The following LPP variants were observed in gnomAD, a reference collection of about 807,000 sequenced individuals.
The protein encoded by LPP is LIM domain containing preferred translocation partner in lipoma, also known as lipoma-preferred partner.
Under a neutral mutation model 60.4 loss-of-function variants are expected in LPP, and 38 were observed. That is an observed-to-expected ratio of 0.63 (90% CI 0.49 to 0.83). The LOEUF is 0.83. LPP is among the 40% of genes least tolerant of loss of function. The pLI is 0.00. For missense variants in LPP, 902 were observed against 783.6 expected, an observed-to-expected ratio of 1.15 and a Z score of -1.80; for synonymous variants, 328 against 290.8, an observed-to-expected ratio of 1.13 and a Z score of -1.30.
intron 3 of LPP, among the ~76,000 whole-genome samples, chr3:188,391,060 G>A (rs975172291): frequency 2.1e-4 from 32 of 152,178 alleles, no homozygotes; most frequent in African/African-American, 7.7e-4. Context: ...TGAAGATTTA[G>A]GAAGTCTTGT....
chr3:188,565,672 T>C (rs890077558), intron 6 of LPP, among the ~76,000 whole-genome samples: 2 of 151,972 alleles, frequency 1.3e-5, no homozygotes, highest in African/African-American at 2.4e-5. Context: ...CTAAATATGT[T>C]TGTCTGATGT....
chr3:188,401,089 G>T (rs6778720), intron 3 of LPP, among the ~76,000 whole-genome samples: 1 of 151,962 alleles, frequency 6.6e-6, no homozygotes, highest in African/African-American at 2.4e-5. Flanking sequence ...GGTCACACTT[G>T]TATAGCTGAG....
intron 4 of LPP, among the ~76,000 whole-genome samples, chr3:188,479,726 C>T (rs548166298): frequency 4.6e-5 from 7 of 152,082 alleles, no homozygotes; most frequent in South Asian, 2.1e-4. Flanking sequence ...GTATATGAGA[C>T]GCAAAAAGGG....
intron 4 of LPP, among the ~76,000 whole-genome samples, chr3:188,484,192 T>A (rs1258107658): frequency 6.6e-6 from 1 of 152,212 alleles, no homozygotes; most frequent in Non-Finnish European, 1.5e-5. Context: ...CAGAGGTTAT[T>A]CATGCATCTT....
chr3:188,170,329 C>CTTTTTTTT (rs34760455), intron 1 of LPP, among the ~76,000 whole-genome samples: 3 of 96,438 alleles, frequency 3.1e-5, no homozygotes, highest in African/African-American at 8.3e-5. Context: ...CTTTTCTTTT[C>CTTTTTTTT]TTTTTTTTTT....
chr3:188,639,135 C>A (rs920950457), intron 7 of LPP, among the ~76,000 whole-genome samples: 5 of 152,136 alleles, frequency 3.3e-5, no homozygotes, highest in African/African-American at 1.2e-4. Flanking sequence ...GCTACGGTAA[C>A]CAAAACAGCA....
At chr3:188,230,147 G>A (rs1445876945) in intron 2 of LPP, among the ~76,000 whole-genome samples, 1 of 151,664 alleles carries the variant, frequency 6.6e-6, no homozygotes, top group Non-Finnish European at 1.5e-5. Context: ...GTGCGGTGGT[G>A]CGATCTTGGC....
intron 9 of LPP, among the ~76,000 whole-genome samples, chr3:188,865,515 AAGT>A (rs1766351356): frequency 6.6e-6 from 1 of 152,174 alleles, no homozygotes; most frequent in African/African-American, 2.4e-5. Flanking sequence ...ATTCTGTAAA[AAGT>A]AGGGGTCTTA....
At chr3:188,448,385 TTG>T (rs370924939) in intron 4 of LPP, among the ~76,000 whole-genome samples, 138 of 148,572 alleles carry the variant, frequency 9.3e-4, no homozygotes, top group Middle Eastern at 3.5e-3. Flanking sequence ...TCTATCTATA[TTG>T]AGATATCTAT....
In LPP at chr3:188,886,742, A is replaced by ACACACT. The variant is rs1770725590; in HGVS notation, c.*12268_*12269insTCACAC. The ACACACT allele has an allele frequency of 4.5e-6, 1 of 222,794 alleles. No homozygotes were observed. Among genetic ancestry groups the ACACACT allele is most frequent in the African/African-American group, 2.4e-5 (1 of 41,226 alleles). The allele number at this position is 222,794 out of a possible 1,614,324, so 13.8% of individuals were successfully genotyped here. ...AAAACACACACACACACACATACAC[A>ACACACT]CACACACACACACACACACACACCC... On this transcript the variant is annotated 3_prime_UTR_variant, in exon 12 of 12. Coordinates refer to ENST00000617246, the MANE Select transcript of LPP (RefSeq NM_001375462.1).
chr3:188,655,686 G>A (rs542090803), intron 7 of LPP, among the ~76,000 whole-genome samples: 98 of 152,254 alleles, frequency 6.4e-4, no homozygotes, highest in African/African-American at 2.1e-3. Flanking sequence ...AATTTCAGAA[G>A]TTCAATGAGT....
chr3:188,549,525 C>G (rs1827521702), intron 6 of LPP, among the ~76,000 whole-genome samples: 4 of 152,124 alleles, frequency 2.6e-5, no homozygotes, highest in African/African-American at 9.7e-5. Flanking sequence ...TTTTATAGGT[C>G]TTTGTTAGTT....
At chr3:188,464,620 T>G (rs1012856308) in intron 4 of LPP, among the ~76,000 whole-genome samples, 3 of 152,170 alleles carry the variant, frequency 2.0e-5, no homozygotes, top group Admixed American at 1.3e-4. Flanking sequence ...CATTCAGATA[T>G]CACGTTTTAA....
At chr3:188,846,923 C>A (rs910425685) in intron 9 of LPP, among the ~76,000 whole-genome samples, 1 of 152,032 alleles carries the variant, frequency 6.6e-6, no homozygotes, top group Admixed American at 6.6e-5. Flanking sequence ...TATGCTGTGG[C>A]AGAATAGAAA....
intron 3 of LPP, among the ~76,000 whole-genome samples, chr3:188,355,812 A>C (rs1331159857): frequency 2.0e-5 from 3 of 152,134 alleles, no homozygotes; most frequent in Non-Finnish European, 4.4e-5. Flanking sequence ...TGTGTCTCAT[A>C]ATGTCTTTTG....
chr3:188,755,677 G>A (rs191608304), intron 8 of LPP, among the ~76,000 whole-genome samples: 1 of 151,704 alleles, frequency 6.6e-6, no homozygotes, highest in East Asian at 1.9e-4. Flanking sequence ...TTGGTGGCGT[G>A]TGCCTATAGT....
chr3:188,523,097 G>A (rs562218885), intron 5 of LPP, among the ~76,000 whole-genome samples: 29 of 151,866 alleles, frequency 1.9e-4, no homozygotes, highest in South Asian at 6.2e-4. Flanking sequence ...TAGTGGAGAC[G>A]GGTTTCACCA....
intron 5 of LPP, among the ~76,000 whole-genome samples, chr3:188,493,385 G>A (rs1452771954): frequency 6.6e-6 from 1 of 152,112 alleles, no homozygotes; most frequent in Non-Finnish European, 1.5e-5. Context: ...TTACTAAACT[G>A]TGTCTAGACA....
At chr3:188,745,629 C>T (rs1456237630) in intron 8 of LPP, among the ~76,000 whole-genome samples, 1 of 152,182 alleles carries the variant, frequency 6.6e-6, no homozygotes, top group East Asian at 1.9e-4. Flanking sequence ...ACCCCTAATA[C>T]ATCTTTCAAA....
Sources: gnomAD v4.1 joint callset for allele counts (sites outside exome capture counted in the v4.1 genomes callset) on GRCh38, gnomAD v4.1.1 for gene constraint, MANE v1.5 for transcripts, NCBI Gene and HGNC (gene_info 2026-07-23, HGNC 2026-07-21) for gene names.